CNTN3: variants seen among roughly 807,000 people sequenced by gnomAD.
CNTN3 encodes contactin-3.
Under a neutral mutation model 119.1 loss-of-function variants are expected in CNTN3, and 60 were observed. The observed-to-expected ratio is 0.50, with a 90% CI of 0.41 to 0.62. The LOEUF (loss-of-function observed/expected upper bound fraction) is 0.62, where lower values mean the gene tolerates loss of function less well. CNTN3 is among the 20% of genes least tolerant of loss of function. The pLI, the probability that CNTN3 is intolerant of heterozygous loss-of-function variation, is 0.00. For missense variants in CNTN3, 1,101 were observed against 1,242.4 expected (o/e 0.89, Z 1.71); for synonymous variants, 450 against 438.7 (o/e 1.03, Z -0.32).
chr3:74,418,983 G>A (rs945932959), intron 5 of CNTN3, among the ~76,000 whole-genome samples: 2 of 151,140 alleles, frequency 1.3e-5, no homozygotes, highest in African/African-American at 2.4e-5. Context: ...TTTTAGTAGC[G>A]GGGCAGTTTC....
chr3:74,459,177 T>C (rs1425363957), intron 4 of CNTN3, among the ~76,000 whole-genome samples: 2 of 151,988 alleles, frequency 1.3e-5, no homozygotes, highest in African/African-American at 2.4e-5. Context: ...TTTTCCTCTA[T>C]GGAGCTTTCT....
chr3:74,451,588 C>A (rs1445011472), intron 4 of CNTN3, among the ~76,000 whole-genome samples: 4 of 152,132 alleles, frequency 2.6e-5, no homozygotes, highest in Admixed American at 6.6e-5. Flanking sequence ...AAGTCCTTGC[C>A]CGTGCCTATG....
Position 74,334,773 on chromosome 3 carries a change from A to T in CNTN3, c.1630T>A (p.Phe544Ile), listed in dbSNP as rs770889530. 6.8e-6 allele frequency: 11 copies of T among 1,613,474 alleles called. No homozygotes were observed. Among genetic ancestry groups the T allele is most frequent in the Non-Finnish European group, 9.3e-6 (11 of 1,179,624 alleles). ...TCAAAGTGAGATCCATCTTTCTTAAAATCTGCAAGGGCCCCATTGAAATAC... is the reference window on the plus strand; with the variant it reads ...TCAAAGTGAGATCCATCTTTCTTAATATCTGCAAGGGCCCCATTGAAATAC... Reference protein sequence around the residue: ...TWYFNGALADFKKDGSHFEKV... With the variant: ...TWYFNGALADIKKDGSHFEKV... Residue 544 changes from phenylalanine to isoleucine, a missense_variant, in exon 13 of 23, where the codon TTT becomes ATT. Phe to Ile is a conservative substitution (Grantham distance 21). Transcript: ENST00000263665.
intron 5 of CNTN3, among the ~76,000 whole-genome samples, chr3:74,397,227 T>C (rs1205527333): frequency 6.6e-6 from 1 of 152,222 alleles, no homozygotes; most frequent in East Asian, 1.9e-4. Context: ...GTGAGAGTAT[T>C]TGTTTACAGC....
intron 4 of CNTN3, among the ~76,000 whole-genome samples, chr3:74,450,248 T>A (rs1575736776): frequency 6.6e-6 from 1 of 152,006 alleles, no homozygotes; most frequent in Admixed American, 6.6e-5. Context: ...ACAAAACAAA[T>A]TTTTTTAATC....
chr3:74,449,297 G>A (rs1008938232), intron 4 of CNTN3, among the ~76,000 whole-genome samples: 1 of 151,950 alleles, frequency 6.6e-6, no homozygotes, highest in African/African-American at 2.4e-5. Flanking sequence ...ATTTTTAGAG[G>A]AGGTTCTGAG....
chr3:74,441,260 A>G (rs1225938973), intron 4 of CNTN3, among the ~76,000 whole-genome samples: 1 of 152,086 alleles, frequency 6.6e-6, no homozygotes, highest in Non-Finnish European at 1.5e-5. Context: ...TTAACACTAT[A>G]CCCCAAAATA....
chr3:74,446,027 T>C (rs1702042985), intron 4 of CNTN3, among the ~76,000 whole-genome samples: 1 of 152,206 alleles, frequency 6.6e-6, no homozygotes, highest in African/African-American at 2.4e-5. Flanking sequence ...TTTGTCCTCC[T>C]GATCACTAGT....
At chr3:74,484,005 A>G (rs1702807775) in intron 4 of CNTN3, among the ~76,000 whole-genome samples, 1 of 152,150 alleles carries the variant, frequency 6.6e-6, no homozygotes, top group Non-Finnish European at 1.5e-5. Flanking sequence ...AAATACCTGT[A>G]AGTTTATTAT....
intron 1 of CNTN3, among the ~76,000 whole-genome samples, chr3:74,589,699 A>G (rs201273709): frequency 0.15 from 21,552 of 147,118 alleles, 2,299 homozygotes; most frequent in African/African-American, 0.33. Flanking sequence ...AAAGACTTGG[A>G]ACCAACCCAA....
chr3:74,323,155 T>A (rs898271646), intron 13 of CNTN3, among the ~76,000 whole-genome samples: 4 of 152,154 alleles, frequency 2.6e-5, no homozygotes, highest in Non-Finnish European at 4.4e-5. Context: ...GTAATAATGA[T>A]GTGTCAATGT....
chr3:74,541,434 A>T (rs1036548565), intron 1 of CNTN3, among the ~76,000 whole-genome samples: 1 of 152,156 alleles, frequency 6.6e-6, no homozygotes, highest in Non-Finnish European at 1.5e-5. Flanking sequence ...ACAGGTTTAC[A>T]CATCTACCTA....
chr3:74,403,596 C>G (rs1018898945), intron 5 of CNTN3, among the ~76,000 whole-genome samples: 4 of 152,102 alleles, frequency 2.6e-5, no homozygotes, highest in African/African-American at 9.7e-5. Context: ...TAAACTTCCT[C>G]TACAACATCC....
chr3:74,312,324 C>T (rs563129605), intron 13 of CNTN3, among the ~76,000 whole-genome samples: 67 of 151,604 alleles, frequency 4.4e-4, no homozygotes, highest in African/African-American at 1.5e-3. Context: ...GGCGTGGTGG[C>T]GGGTGCCTGT....
chr3:74,312,349 G>A (rs1172180065), intron 13 of CNTN3, among the ~76,000 whole-genome samples: 6 of 151,024 alleles, frequency 4.0e-5, no homozygotes, highest in Admixed American at 6.6e-5. Context: ...CCAGCTACTC[G>A]GGAGGCTGAG....
intron 20 of CNTN3, among the ~76,000 whole-genome samples, chr3:74,276,955 C>T (rs1472057025): frequency 6.6e-6 from 1 of 152,028 alleles, no homozygotes; most frequent in Non-Finnish European, 1.5e-5. Context: ...GGAGATATTA[C>T]AACTGACACC....
intron 5 of CNTN3, among the ~76,000 whole-genome samples, chr3:74,408,464 A>C (rs1344529632): frequency 6.6e-6 from 1 of 152,140 alleles, no homozygotes; most frequent in African/African-American, 2.4e-5. Flanking sequence ...GAGGCAGTGC[A>C]TGTGTTAATT....
rs372138179 is a variant in CNTN3, at chr3:74,340,980, A to T, written c.1365-4322T>A. Among the ~76,000 whole-genome samples, 40 of 152,312 alleles carry T rather than the reference A, an allele frequency of 2.6e-4. 2 individuals are homozygous for T. Among genetic ancestry groups the T allele is most frequent in the East Asian group, 2.3e-3 (12 of 5,188 alleles). ...AGAACTACAAATCCTTTGGTGTATTAGGTTTAGTAACTTTAATTAAGCAAA... is the reference window on the plus strand; with the variant it reads ...AGAACTACAAATCCTTTGGTGTATTTGGTTTAGTAACTTTAATTAAGCAAA... On this transcript the variant is annotated intron_variant, in intron 11 of 22. Coordinates refer to ENST00000263665, the MANE Select transcript of CNTN3 (RefSeq NM_020872.3).
chr3:74,531,440 A>C (rs950378468), intron 1 of CNTN3, among the ~76,000 whole-genome samples: 1 of 151,990 alleles, frequency 6.6e-6, no homozygotes, highest in African/African-American at 2.4e-5. Flanking sequence ...AAAACGGGGG[A>C]TATCACAGCA....
Sources: gnomAD v4.1 joint callset for allele counts (sites outside exome capture counted in the v4.1 genomes callset) on GRCh38, gnomAD v4.1.1 for gene constraint, MANE v1.5 for transcripts, NCBI Gene and HGNC (gene_info 2026-07-23, HGNC 2026-07-21) for gene names.